GAD2: variants seen among roughly 807,000 people sequenced by gnomAD.
GAD2 encodes the protein 65 kDa glutamic acid decarboxylase.
A neutral mutation model predicts 80.1 loss-of-function variants in GAD2; 22 were observed. That is an observed-to-expected ratio of 0.27 (90% CI 0.20 to 0.39). The LOEUF (loss-of-function observed/expected upper bound fraction) is 0.39. GAD2 is among the 10% of genes least tolerant of loss of function. The pLI is 1.00. For missense variants in GAD2, 624 were observed against 738.4 expected, an observed-to-expected ratio of 0.85 and a Z score of 1.80; for synonymous variants, 274 against 256.9, an observed-to-expected ratio of 1.07 and a Z score of -0.64.
In GAD2 at chr10:26,292,562, T is replaced by G. The variant is rs1307034080; in HGVS notation, c.1484T>G (p.Phe495Cys). 6.2e-7 allele frequency: 1 copy of G among 1,610,384 alleles called. No homozygotes were observed. Among genetic ancestry groups the G allele is most frequent in the Non-Finnish European group, 8.5e-7 (1 of 1,176,636 alleles). The stretch of plus-strand genomic sequence containing the variant: ...AACCGAGAAGGATATGAGATGGTGT[T>G]TGATGGGAAGGTATGTATTTGGATT... Reference protein sequence around the residue: ...IKNREGYEMVFDGKPQHTNVC... With the variant: ...IKNREGYEMVCDGKPQHTNVC... The change falls in exon 14 of 16, where the codon TTT becomes TGT. Residue 495 changes from phenylalanine (F) to cysteine (C), a missense_variant. Physicochemically the swap from Phe to Cys is radical, Grantham distance 205. Coordinates refer to ENST00000376261, the MANE Select transcript of GAD2 (RefSeq NM_001134366.2).
chr10:26,233,601 C>G (rs1417623209), intron 7 of GAD2, among the ~76,000 whole-genome samples: 1 of 152,204 alleles, frequency 6.6e-6, no homozygotes, highest in Non-Finnish European at 1.5e-5. Flanking sequence ...TTCAATTCAT[C>G]ATTTAGTGTA....
At chr10:26,254,698 T>A (rs1844923830) in intron 8 of GAD2, among the ~76,000 whole-genome samples, 1 of 152,206 alleles carries the variant, frequency 6.6e-6, no homozygotes, top group Admixed American at 6.5e-5. Context: ...CAACAGCATA[T>A]TTTTGTGTTA....
chr10:26,236,869 A>G (rs1011009341), intron 7 of GAD2, among the ~76,000 whole-genome samples: 2 of 151,996 alleles, frequency 1.3e-5, no homozygotes, highest in Non-Finnish European at 2.9e-5. Context: ...CATCGCTCCC[A>G]TGTTATTTTC....
At position 26,302,502 on chromosome 10, in the gene GAD2, T is replaced by C. The variant is rs543532078; in HGVS notation, c.*1541T>C. 6.6e-6 allele frequency: 1 copy of C among 152,324 alleles called. No individual in the cohort carries two copies. Among genetic ancestry groups the C allele is most frequent in the East Asian group, 1.9e-4 (1 of 5,190 alleles). The allele number at this position is 152,324 out of a possible 1,614,324, so 9.4% of individuals were successfully genotyped here. A position where few individuals can be genotyped will look rare whatever the true frequency, so the allele number is the denominator to read the frequency against. On this transcript the variant is annotated 3_prime_UTR_variant, in exon 16 of 16. Coordinates refer to ENST00000376261, the MANE Select transcript of GAD2 (RefSeq NM_001134366.2). ...GGGTCACACATCGTCAGATTCCAAG[T>C]GCTGATTGGAGAACAATAGATTGAT...
intron 7 of GAD2, among the ~76,000 whole-genome samples, chr10:26,236,288 T>A (rs1047821768): frequency 1.3e-5 from 2 of 149,576 alleles, no homozygotes; most frequent in Admixed American, 6.7e-5. Flanking sequence ...AAAGATGACT[T>A]TCTTTTCTTT....
At chr10:26,266,757 C>A (rs141769358) in intron 8 of GAD2, among the ~76,000 whole-genome samples, 30 of 152,302 alleles carry the variant, frequency 2.0e-4, no homozygotes, top group African/African-American at 7.0e-4. Context: ...TTACTGTTTT[C>A]CCGGCAGGTT....
rs1834358331 is a variant in GAD2 at position 26,304,258 on chromosome 10, G to A, written c.*3297G>A. On this transcript the variant is annotated 3_prime_UTR_variant, in exon 16 of 16. Transcript: ENST00000376261. Reference sequence around the variant, plus strand: ...GGCACAGGTGTAAATATAGTAGCAGGATGAGGAACCTCAAACTGGGTATCA... The same window carrying A: ...GGCACAGGTGTAAATATAGTAGCAGAATGAGGAACCTCAAACTGGGTATCA... The A allele has an allele frequency of 6.6e-6, 1 of 152,590 alleles. No homozygotes were observed. The highest frequency in any genetic ancestry group is 2.4e-5 in the African/African-American group (1 of 41,422). The allele number at this position is 152,590 out of a possible 1,614,324, so 9.5% of individuals were successfully genotyped here.
intron 8 of GAD2, among the ~76,000 whole-genome samples, chr10:26,251,903 G>C (rs1381577893): frequency 6.6e-6 from 1 of 152,176 alleles, no homozygotes; most frequent in East Asian, 1.9e-4. Flanking sequence ...GAAGTGTTTG[G>C]GTTCAGAAGC....
At chr10:26,278,434 T>C (rs1188997603) in intron 11 of GAD2, among the ~76,000 whole-genome samples, 1 of 152,234 alleles carries the variant, frequency 6.6e-6, no homozygotes, top group African/African-American at 2.4e-5. Context: ...CATATTATTA[T>C]TCTCCTTTTC....
intron 11 of GAD2, among the ~76,000 whole-genome samples, chr10:26,278,471 G>C (rs1291967902): frequency 1.3e-5 from 2 of 152,168 alleles, no homozygotes; most frequent in Non-Finnish European, 2.9e-5. Flanking sequence ...GGCACAGAGA[G>C]GTTAAGTAAC....
intron 8 of GAD2, among the ~76,000 whole-genome samples, chr10:26,254,907 G>A (rs1844925629): frequency 6.6e-6 from 1 of 152,238 alleles, no homozygotes; most frequent in Non-Finnish European, 1.5e-5. Context: ...CCAGGCTTCT[G>A]GCTTGCCAGC....
intron 8 of GAD2, among the ~76,000 whole-genome samples, chr10:26,252,720 G>A (rs1844894527): frequency 6.7e-6 from 1 of 150,372 alleles, no homozygotes. Flanking sequence ...GTGCAATGGC[G>A]CAACCTTGGC....
intron 7 of GAD2, among the ~76,000 whole-genome samples, chr10:26,238,694 G>T (rs1844705230): frequency 6.6e-6 from 1 of 152,174 alleles, no homozygotes; most frequent in South Asian, 2.1e-4. Flanking sequence ...TGTCTGGGAG[G>T]TCCCCTCCCC....
intron 13 of GAD2, among the ~76,000 whole-genome samples, chr10:26,288,170 T>C (rs1307384732): frequency 6.6e-6 from 1 of 152,218 alleles, no homozygotes; most frequent in Non-Finnish European, 1.5e-5. Flanking sequence ...CTCCTTTAAG[T>C]CCATTCTGGC....
intron 11 of GAD2, among the ~76,000 whole-genome samples, chr10:26,278,721 T>C (rs911432844): frequency 6.6e-6 from 1 of 152,118 alleles, no homozygotes; most frequent in African/African-American, 2.4e-5. Flanking sequence ...GACCATGAAC[T>C]GCCTTTGCTT....
At position 26,217,688 on chromosome 10, in the gene GAD2, G is replaced by A. The variant is rs772212556; in HGVS notation, c.136+19G>A. The A allele has an allele frequency of 2.5e-6, 4 of 1,612,236 alleles. No homozygotes were observed. Among genetic ancestry groups the A allele is most frequent in the Admixed American group, 1.7e-5 (1 of 59,840 alleles). On this transcript the variant is annotated intron_variant, in intron 2 of 15. Coordinates refer to ENST00000376261, the MANE Select transcript of GAD2 (RefSeq NM_001134366.2). This position sits in a 1 kb window ranked among gnomAD's most constrained non-coding sequence, Gnocchi z 4.9. ...CTGTGCGGTGAGTGCCCAGGGACCG[G>A]GGCGGCCAAGGTCGGCCCGCGGGGT...
intron 3 of GAD2, chr10:26,218,346 A>C: frequency 4.5e-6 from 1 of 222,678 alleles, no homozygotes; most frequent in East Asian, 9.6e-5. Context: ...GTTTCCAAAT[A>C]CCGTGCCCGA....
At chr10:26,247,349 T>C (rs1209217829) in intron 8 of GAD2, among the ~76,000 whole-genome samples, 1 of 152,034 alleles carries the variant, frequency 6.6e-6, no homozygotes, top group Admixed American at 6.5e-5. Context: ...AAGGTCTTTA[T>C]GACCTGTATC....
rs143031318 is a variant in GAD2, at chr10:26,237,423, G to A, written c.840+7646G>A. ...TGATACCCAGCTCCCGTAGCTGTGGGGAGGATGAAGCAAGATGATACATGG... is the reference window on the plus strand; with the variant it reads ...TGATACCCAGCTCCCGTAGCTGTGGAGAGGATGAAGCAAGATGATACATGG... On this transcript the variant is annotated intron_variant, in intron 7 of 15. Transcript: ENST00000376261. 6.7e-3 allele frequency among the ~76,000 whole-genome samples: 1,019 copies of A among 152,134 alleles called. 36 individuals are homozygous for A. Among genetic ancestry groups the A allele is most frequent in the Admixed American group, 0.06 (921 of 15,262 alleles).
Sources: gnomAD v4.1 joint callset for allele counts (sites outside exome capture counted in the v4.1 genomes callset) on GRCh38, gnomAD v4.1.1 for gene constraint, Gnocchi (gnomAD v3.1) non-coding constraint, MANE v1.5 for transcripts, NCBI Gene and HGNC (gene_info 2026-07-23, HGNC 2026-07-21) for gene names.